Variants in MYO16 observed in about 807,000 individuals in gnomAD.
MYO16 encodes the protein unconventional myosin-XVI.
Under a neutral mutation model 205.3 loss-of-function variants are expected in MYO16, and 94 were observed. The ratio of observed to expected loss-of-function variants is 0.46; its 90% confidence interval spans 0.39 to 0.54. The LOEUF is 0.54. Among genes scored for constraint, MYO16 ranks in the 20% least tolerant of loss-of-function variants. The pLI, the probability that MYO16 is intolerant of heterozygous loss-of-function variation, is 0.00. For synonymous variants in MYO16, 988 were observed against 954.0 expected (o/e 1.04, Z -0.66); for missense variants, 2,315 against 2,387.5 (o/e 0.97, Z 0.63).
intron 23 of MYO16, among the ~76,000 whole-genome samples, chr13:109,023,678 T>TATATATGCATATATATGTATATATGC (rs1491174618): frequency 8.9e-6 from 1 of 112,556 alleles, no homozygotes; most frequent in Non-Finnish European, 1.9e-5. Flanking sequence ...CAAATATATG[T>TATATATGCATATATATGTATATATGC]ATATATACAT....
At chr13:108,978,510 C>G (rs533559292) in intron 20 of MYO16, among the ~76,000 whole-genome samples, 1 of 151,974 alleles carries the variant, frequency 6.6e-6, no homozygotes, top group South Asian at 2.1e-4. Flanking sequence ...TTCCTTTGCT[C>G]TTGTGAGACA....
At chr13:108,611,782 C>G (rs1879178835) in intron 1 of MYO16, among the ~76,000 whole-genome samples, 1 of 151,352 alleles carries the variant, frequency 6.6e-6, no homozygotes, top group Non-Finnish European at 1.5e-5. Flanking sequence ...GCTCCTCCAA[C>G]TTGTAAATTG....
At chr13:108,637,616 T>G (rs1880315512) in intron 1 of MYO16, among the ~76,000 whole-genome samples, 1 of 152,198 alleles carries the variant, frequency 6.6e-6, no homozygotes, top group Non-Finnish European at 1.5e-5. Context: ...GGCTCACGCT[T>G]GTAATCCCAG....
At chr13:108,571,245 T>C in the MYO16 span, among the ~76,000 whole-genome samples, 1 of 147,966 alleles carries the variant, frequency 6.8e-6, no homozygotes, top group African/African-American at 2.5e-5. Context: ...GAGGATACAG[T>C]GAAGATAAAA....
chr13:108,735,697 A>G (rs920405248), intron 4 of MYO16, among the ~76,000 whole-genome samples: 15 of 150,966 alleles, frequency 9.9e-5, no homozygotes, highest in Non-Finnish European at 1.5e-4. Flanking sequence ...TTCTAGTTCT[A>G]GATCCCTGAG....
At chr13:108,634,440 G>A (rs953780300) in intron 1 of MYO16, among the ~76,000 whole-genome samples, 1 of 152,114 alleles carries the variant, frequency 6.6e-6, no homozygotes, top group African/African-American at 2.4e-5. Context: ...CCAACAGAGT[G>A]AATATGTGGC....
chr13:108,697,324 C>T (rs752415881), intron 2 of MYO16, among the ~76,000 whole-genome samples: 11 of 152,186 alleles, frequency 7.2e-5, no homozygotes, highest in Admixed American at 2.6e-4. Context: ...CCACTCCCCT[C>T]GACAGTGCTT....
Position 108,871,322 on chromosome 13 carries a change from TTGTGTGTG to T in MYO16, c.1425+5114_1425+5121del, listed in dbSNP as rs58117690. Among the ~76,000 whole-genome samples, 1,216 of 131,498 alleles carry T rather than the reference TTGTGTGTG, an allele frequency of 9.2e-3. 24 individuals are homozygous for T. Among genetic ancestry groups the T allele is most frequent in the Admixed American group, 0.05 (658 of 13,074 alleles). 86.3% of individuals were successfully genotyped at this position (131,498 alleles called of 152,430 possible). A position where few individuals can be genotyped will look rare whatever the true frequency, so the allele number is the denominator to read the frequency against. On this transcript the variant is annotated intron_variant, in intron 12 of 34. Transcript: ENST00000457511. ...TGAGGTCTGTTTCTACTATGTGACTTTGTGTGTGTGTGTGTGTGTGTGTGTGTGTGTGT... is the reference window on the plus strand; with the variant it reads ...TGAGGTCTGTTTCTACTATGTGACTTTGTGTGTGTGTGTGTGTGTGTGTGT...
the MYO16 span, among the ~76,000 whole-genome samples, chr13:108,580,192 C>T: frequency 3.9e-5 from 6 of 152,190 alleles, no homozygotes; most frequent in Non-Finnish European, 7.4e-5. Context: ...TGCTATACTG[C>T]ATCCCTGGAT....
At chr13:108,934,215 T>A (rs997891501) in intron 16 of MYO16, among the ~76,000 whole-genome samples, 1 of 152,186 alleles carries the variant, frequency 6.6e-6, no homozygotes, top group Non-Finnish European at 1.5e-5. Flanking sequence ...CCACCAACAG[T>A]GTATAAGCAA....
chr13:108,738,408 G>C (rs4772989), intron 4 of MYO16, among the ~76,000 whole-genome samples: 111,303 of 151,956 alleles, frequency 0.73, 41,353 homozygotes, highest in Non-Finnish European at 0.8. Context: ...TAGTCATTCA[G>C]GAGCAGGTTG....
intron 32 of MYO16, among the ~76,000 whole-genome samples, chr13:109,157,274 A>G: frequency 7.1e-6 from 1 of 141,178 alleles, no homozygotes; most frequent in South Asian, 2.2e-4. Context: ...AAAAAACCTT[A>G]TTCTTCACAG....
chr13:108,559,766 G>A, the MYO16 span, among the ~76,000 whole-genome samples: 1 of 152,022 alleles, frequency 6.6e-6, no homozygotes, highest in Non-Finnish European at 1.5e-5. Flanking sequence ...CACAGCGCCC[G>A]GCCTTGAGGT....
At chr13:108,998,657 T>C (rs1293036860) in intron 21 of MYO16, among the ~76,000 whole-genome samples, 5 of 152,176 alleles carry the variant, frequency 3.3e-5, no homozygotes, top group Non-Finnish European at 5.9e-5. Context: ...AGACAGATTG[T>C]CTCTGGTCCA....
At chr13:109,023,993 T>G (rs1046428784) in intron 23 of MYO16, among the ~76,000 whole-genome samples, 1 of 107,238 alleles carries the variant, frequency 9.3e-6, no homozygotes, top group Non-Finnish European at 1.9e-5. Flanking sequence ...TATTTCTATA[T>G]GTATATATAG....
intron 27 of MYO16, among the ~76,000 whole-genome samples, chr13:109,064,557 T>C (rs1319822028): frequency 6.6e-6 from 1 of 152,240 alleles, no homozygotes; most frequent in African/African-American, 2.4e-5. Flanking sequence ...CATTTGAGTG[T>C]GGTTTAGAAG....
intron 12 of MYO16, among the ~76,000 whole-genome samples, chr13:108,868,259 T>A (rs1007554922): frequency 1.3e-5 from 2 of 152,198 alleles, no homozygotes; most frequent in African/African-American, 4.8e-5. Flanking sequence ...TATCTACAAC[T>A]TAATACAGAA....
chr13:108,839,117 CAG>C lies in MYO16; in HGVS notation c.1098-5223_1098-5222del, dbSNP rs994331638. ...GTGCCTCCTTGCTGAGGGGACTCTGCAGAGTCCTGAGGTGGCACAGCATATCT... is the reference window on the plus strand; with the variant it reads ...GTGCCTCCTTGCTGAGGGGACTCTGCAGTCCTGAGGTGGCACAGCATATCT... On this transcript the variant is annotated intron_variant, in intron 9 of 34. Coordinates refer to ENST00000457511, the MANE Select transcript of MYO16 (RefSeq NM_001198950.3). Among the ~76,000 whole-genome samples, 10 of 152,174 alleles carry C rather than the reference CAG, an allele frequency of 6.6e-5. No homozygotes were observed. The South Asian group carries it at 8.3e-4, about 13-fold the overall frequency.
At chr13:108,980,527 C>G (rs1325925588) in intron 20 of MYO16, among the ~76,000 whole-genome samples, 1 of 152,178 alleles carries the variant, frequency 6.6e-6, no homozygotes, top group African/African-American at 2.4e-5. Flanking sequence ...CAGAATGTCC[C>G]TTTTTGGCTC....
Sources: gnomAD v4.1 joint callset for allele counts (sites outside exome capture counted in the v4.1 genomes callset) on GRCh38, gnomAD v4.1.1 for gene constraint, MANE v1.5 for transcripts, NCBI Gene and HGNC (gene_info 2026-07-23, HGNC 2026-07-21) for gene names.